CAMTA1: variants seen among roughly 807,000 people sequenced by gnomAD.
CAMTA1 encodes calmodulin binding transcription activator 1, also known as calmodulin-binding transcription activator 1.
In CAMTA1, 27 loss-of-function variants were observed where a neutral mutation model predicts 170.9. The observed-to-expected ratio is 0.16, with a 90% CI of 0.12 to 0.22. The LOEUF (loss-of-function observed/expected upper bound fraction) is 0.22, where lower values mean the gene tolerates loss of function less well. CAMTA1 is among the 10% of genes least tolerant of loss of function. The probability of loss-of-function intolerance (pLI) is 1.00; values close to 1 mark genes in which losing one functional copy is unlikely to be tolerated. For missense variants in CAMTA1, 1,619 were observed against 2,217.2 expected (o/e 0.73, Z 5.42); for synonymous variants, 833 against 891.5 (o/e 0.93, Z 1.17).
Position 6,936,569 on chromosome 1 carries a change from G to T in CAMTA1, c.234+111359G>T, listed in dbSNP as rs376820069. 6.6e-5 allele frequency among the ~76,000 whole-genome samples: 10 copies of T among 152,264 alleles called. No individual in the cohort carries two copies. The East Asian group carries it at 1.7e-3, about 26-fold the overall frequency. ...CTTTGATGAATAAGGATTCAAGATTGTATCTGCTGAGCCTGCAGGACATGA... is the reference window on the plus strand; with the variant it reads ...CTTTGATGAATAAGGATTCAAGATTTTATCTGCTGAGCCTGCAGGACATGA... On this transcript the variant is annotated intron_variant, in intron 3 of 22. Coordinates refer to ENST00000303635, the MANE Select transcript of CAMTA1 (RefSeq NM_015215.4).
chr1:7,576,406 T>C lies in CAMTA1; in HGVS notation c.511-63994T>C, dbSNP rs532799672. On this transcript the variant is annotated intron_variant, in intron 6 of 22. Transcript: ENST00000303635. ...CCCCCACAGTGATGGTATTAGGAAG[T>C]GGGGATTTGGAGCGTTGTTTAGGTT... 2.0e-4 allele frequency among the ~76,000 whole-genome samples: 30 copies of C among 152,168 alleles called. No homozygotes were observed. In the South Asian group the frequency reaches 5.0e-3, roughly 25 times the overall value.
At chr1:7,529,629 C>A (rs2094469248) in intron 6 of CAMTA1, among the ~76,000 whole-genome samples, 1 of 152,160 alleles carries the variant, frequency 6.6e-6, no homozygotes, top group South Asian at 2.1e-4. Context: ...CTTCTGCTGT[C>A]TATGGGTTAA....
rs972837012 is a variant in CAMTA1 at position 7,685,860 on chromosome 1, A to G, written c.2914+8127A>G. 5.9e-5 allele frequency among the ~76,000 whole-genome samples: 9 copies of G among 151,926 alleles called. No homozygotes were observed. Among genetic ancestry groups the G allele is most frequent in the East Asian group, 3.9e-4 (2 of 5,150 alleles). ...ATGGCCGTTCTTTCTGTTTTCCCCAACCTACCTCTCTGATAACATTCCTGA... is the reference window on the plus strand; with the variant it reads ...ATGGCCGTTCTTTCTGTTTTCCCCAGCCTACCTCTCTGATAACATTCCTGA... On this transcript the variant is annotated intron_variant, in intron 11 of 22. Transcript: ENST00000303635. The surrounding 1 kb of genome is among the most constrained non-coding windows in gnomAD (Gnocchi z 5.7).
chr1:7,503,126 C>T (rs1454824986), intron 6 of CAMTA1, among the ~76,000 whole-genome samples: 4 of 152,128 alleles, frequency 2.6e-5, no homozygotes, highest in African/African-American at 9.7e-5. Context: ...CTGGCCACCC[C>T]TCTGGCTTGT....
At chr1:6,870,187 A>G (rs1423724053) in intron 3 of CAMTA1, among the ~76,000 whole-genome samples, 3 of 152,190 alleles carry the variant, frequency 2.0e-5, no homozygotes, top group Non-Finnish European at 4.4e-5. Flanking sequence ...TGATGCTACT[A>G]AAACAACGTA....
intron 16 of CAMTA1, among the ~76,000 whole-genome samples, chr1:7,742,065 T>C (rs1212489984): frequency 6.6e-6 from 1 of 150,830 alleles, no homozygotes; most frequent in East Asian, 1.9e-4. Flanking sequence ...CTATAATAGA[T>C]AAACGAGTAT....
intron 6 of CAMTA1, among the ~76,000 whole-genome samples, chr1:7,626,623 A>C (rs2095635422): frequency 6.6e-6 from 1 of 152,206 alleles, no homozygotes; most frequent in Non-Finnish European, 1.5e-5. Context: ...CATTTGCTTC[A>C]GAAGGTTCTG....
chr1:7,413,166 G>A (rs2090916333), intron 5 of CAMTA1, among the ~76,000 whole-genome samples: 2 of 151,770 alleles, frequency 1.3e-5, no homozygotes, highest in Non-Finnish European at 2.9e-5. Context: ...TAGCCTTGTA[G>A]TATAGTTTGA....
intron 6 of CAMTA1, among the ~76,000 whole-genome samples, chr1:7,593,706 G>A (rs551507300): frequency 6.6e-6 from 1 of 150,752 alleles, no homozygotes; most frequent in African/African-American, 2.4e-5. Context: ...GGCCAGGCTA[G>A]TCTCGAACTC....
chr1:7,355,443 A>G (rs1048143409), intron 5 of CAMTA1, among the ~76,000 whole-genome samples: 6 of 152,002 alleles, frequency 3.9e-5, no homozygotes, highest in African/African-American at 7.3e-5. Context: ...CTACCCATCC[A>G]TTTTCTCTAA....
intron 6 of CAMTA1, among the ~76,000 whole-genome samples, chr1:7,509,327 C>T (rs758997342): frequency 9.2e-5 from 14 of 152,312 alleles, no homozygotes; most frequent in Admixed American, 3.9e-4. Flanking sequence ...AACAGAGCAG[C>T]GCTGGCCAGA....
chr1:7,267,548 A>G (rs1455849538), intron 5 of CAMTA1, among the ~76,000 whole-genome samples: 1 of 152,214 alleles, frequency 6.6e-6, no homozygotes, highest in East Asian at 1.9e-4. Context: ...GCAGTGTGCC[A>G]GATGCCTGTG....
At chr1:7,472,523 C>T (rs1354661426) in intron 6 of CAMTA1, among the ~76,000 whole-genome samples, 1 of 152,146 alleles carries the variant, frequency 6.6e-6, no homozygotes, top group Non-Finnish European at 1.5e-5. Context: ...GGGCAACCAT[C>T]GCTGCCCTCC....
intron 11 of CAMTA1, among the ~76,000 whole-genome samples, chr1:7,731,403 C>G (rs2096732225): frequency 6.6e-6 from 1 of 152,012 alleles, no homozygotes; most frequent in East Asian, 1.9e-4. Flanking sequence ...GAAACCCCGC[C>G]TCTACTAAAA....
intron 5 of CAMTA1, among the ~76,000 whole-genome samples, chr1:7,342,923 C>T (rs577417847): frequency 2.9e-4 from 44 of 152,294 alleles, no homozygotes; most frequent in African/African-American, 9.4e-4. Context: ...CAATCAGACA[C>T]GGAACTCCTT....
At chr1:7,655,499 CACAT>C (rs2095891528) in intron 7 of CAMTA1, among the ~76,000 whole-genome samples, 2 of 142,536 alleles carry the variant, frequency 1.4e-5, no homozygotes, top group Non-Finnish European at 3.1e-5. Flanking sequence ...CTATACAACA[CACAT>C]ACACACACCT....
chr1:7,292,935 A>T (rs1448967195), intron 5 of CAMTA1, among the ~76,000 whole-genome samples: 2 of 151,956 alleles, frequency 1.3e-5, no homozygotes, highest in East Asian at 1.9e-4. Context: ...CCCCAGCGCC[A>T]CCTCCCATGT....
chr1:6,886,115 G>A (rs1382803606), intron 3 of CAMTA1: 1 of 418,032 alleles, frequency 2.4e-6, no homozygotes, highest in Non-Finnish European at 4.8e-6. Context: ...CCCACCATCT[G>A]CACGTGGTTA....
chr1:7,414,495 A>G (rs1367704921), intron 5 of CAMTA1, among the ~76,000 whole-genome samples: 2 of 152,184 alleles, frequency 1.3e-5, no homozygotes, highest in East Asian at 1.9e-4. Context: ...GGGAGAGTGT[A>G]TGCGTCGAGG....
Sources: gnomAD v4.1 joint callset for allele counts (sites outside exome capture counted in the v4.1 genomes callset) on GRCh38, gnomAD v4.1.1 for gene constraint, Gnocchi (gnomAD v3.1) non-coding constraint, MANE v1.5 for transcripts, NCBI Gene and HGNC (gene_info 2026-07-23, HGNC 2026-07-21) for gene names.